RAB28: variants seen among roughly 807,000 people sequenced by gnomAD.
RAB28 encodes ras-related protein Rab-28.
RAB28 carries 24 observed loss-of-function variants against 31.7 expected under a neutral mutation model. The ratio of observed to expected loss-of-function variants is 0.76; its 90% CI spans 0.55 to 1.06. RAB28 has a LOEUF of 1.06. RAB28 is among the 50% of genes least tolerant of loss of function. The pLI, the probability that RAB28 is intolerant of heterozygous loss-of-function variation, is 0.00. For missense variants in RAB28, 254 were observed against 258.5 expected (o/e 0.98, Z 0.12); for synonymous variants, 100 against 90.4 (o/e 1.11, Z -0.60).
At chr4:13,434,723 T>G (rs1159624978) in intron 4 of RAB28, among the ~76,000 whole-genome samples, 2 of 151,864 alleles carry the variant, frequency 1.3e-5, no homozygotes, top group Non-Finnish European at 2.9e-5. Context: ...GGAATAAAAT[T>G]AGAAAACAAC....
intron 6 of RAB28, chr4:13,371,892 T>C (rs1197781454): frequency 6.7e-7 from 1 of 1,502,992 alleles, no homozygotes; most frequent in Non-Finnish European, 9.1e-7. Context: ...GTTATATGGG[T>C]GAATACAAGC....
intron 4 of RAB28, among the ~76,000 whole-genome samples, chr4:13,458,373 G>C (rs996779599): frequency 2.0e-5 from 3 of 150,652 alleles, no homozygotes; most frequent in Non-Finnish European, 4.4e-5. Flanking sequence ...ATCTTGGTTT[G>C]GTCTTTCAGG....
intron 3 of RAB28, among the ~76,000 whole-genome samples, chr4:13,462,906 C>T (rs1369379520): frequency 2.0e-5 from 3 of 152,222 alleles, no homozygotes; most frequent in Non-Finnish European, 4.4e-5. Context: ...CCACCTCCAA[C>T]TGCCATGGGT....
chr4:13,389,576 G>A (rs1024286164), intron 4 of RAB28, among the ~76,000 whole-genome samples: 1 of 151,984 alleles, frequency 6.6e-6, no homozygotes, highest in Admixed American at 6.6e-5. Context: ...AATGACTCTT[G>A]AAGTACTCAT....
intron 4 of RAB28, among the ~76,000 whole-genome samples, chr4:13,411,150 A>G (rs1317661143): frequency 1.3e-5 from 2 of 152,158 alleles, no homozygotes; most frequent in Non-Finnish European, 2.9e-5. Flanking sequence ...TTCATTTTCA[A>G]TATTAAATAC....
chr4:13,479,322 A>T (rs1303992659), intron 2 of RAB28, 108 bp downstream of exon 2: 1 of 711,646 alleles, frequency 1.4e-6, no homozygotes, highest in Non-Finnish European at 2.4e-6. Flanking sequence ...CTGTTTATAT[A>T]CATCTTCATG....
intron 4 of RAB28, among the ~76,000 whole-genome samples, chr4:13,421,865 C>G (rs1418397286): frequency 6.6e-6 from 1 of 152,032 alleles, no homozygotes; most frequent in African/African-American, 2.4e-5. Context: ...ACTAAAACAC[C>G]AAAAGCGATG....
intron 6 of RAB28, among the ~76,000 whole-genome samples, chr4:13,369,317 A>C (rs1023531970): frequency 6.6e-6 from 1 of 152,174 alleles, no homozygotes; most frequent in African/African-American, 2.4e-5. Flanking sequence ...TGTTTTTAAA[A>C]TAATTTAAAC....
rs556467941 is a variant in RAB28, at chr4:13,386,154, C to T, written c.392-4560G>A. Among the ~76,000 whole-genome samples, 4 of 152,012 alleles carry T rather than the reference C, an allele frequency of 2.6e-5. No individual in the cohort carries two copies. In the South Asian group the frequency reaches 8.3e-4, roughly 32 times the overall value. On this transcript the variant is annotated intron_variant, in intron 4 of 6. Transcript: ENST00000330852. ...AAGAATACACAAGGAACTCAAAAAACCCTGCAAGACAACCTAAGCAAAACC... is the reference window on the plus strand; with the variant it reads ...AAGAATACACAAGGAACTCAAAAAATCCTGCAAGACAACCTAAGCAAAACC...
intron 4 of RAB28, among the ~76,000 whole-genome samples, chr4:13,443,861 GACA>G (rs1714547516): frequency 6.6e-6 from 1 of 151,924 alleles, no homozygotes; most frequent in African/African-American, 2.4e-5. Flanking sequence ...CCCATCCCCT[GACA>G]ACAACTATTC....
intron 4 of RAB28, among the ~76,000 whole-genome samples, chr4:13,425,377 T>C (rs1321090914): frequency 6.6e-6 from 1 of 152,208 alleles, no homozygotes; most frequent in Admixed American, 6.5e-5. Context: ...AAACTAATAC[T>C]AAAATTAAAG....
chr4:13,420,526 G>A (rs1039258927), intron 4 of RAB28, among the ~76,000 whole-genome samples: 6 of 151,968 alleles, frequency 3.9e-5, no homozygotes, highest in African/African-American at 2.4e-5. Flanking sequence ...CTGGCAAACC[G>A]AATCCAGCAG....
intron 4 of RAB28, among the ~76,000 whole-genome samples, chr4:13,415,694 A>G (rs1412987966): frequency 6.6e-6 from 1 of 152,116 alleles, no homozygotes; most frequent in African/African-American, 2.4e-5. Flanking sequence ...GTGTGGCCCA[A>G]GCCTCCCCAA....
intron 4 of RAB28, chr4:13,460,012 C>T (rs990858602): frequency 1.8e-5 from 13 of 706,742 alleles, no homozygotes; most frequent in Non-Finnish European, 2.4e-5. Context: ...TAATAGACCA[C>T]GCATCAAAAC....
intron 4 of RAB28, among the ~76,000 whole-genome samples, chr4:13,449,845 G>A (rs1214647351): frequency 6.6e-6 from 1 of 151,758 alleles, no homozygotes; most frequent in Non-Finnish European, 1.5e-5. Context: ...TATAAATCAG[G>A]AAGAGGGCAG....
chr4:13,372,719 C>T (rs28515907), intron 6 of RAB28, among the ~76,000 whole-genome samples: 4,639 of 151,982 alleles, frequency 0.031, 107 homozygotes, highest in African/African-American at 0.062. Flanking sequence ...AAAAAATTAA[C>T]ATGTGGGTAA....
At chr4:13,451,809 A>C (rs1714981877) in intron 4 of RAB28, among the ~76,000 whole-genome samples, 1 of 151,878 alleles carries the variant, frequency 6.6e-6, no homozygotes, top group African/African-American at 2.4e-5. Context: ...TCGCATATGG[A>C]TATCCAATTT....
chr4:13,479,586 C>T (rs554720188), intron 1 of RAB28, 60 bp from the exon 2 acceptor site: 8 of 1,120,888 alleles, frequency 7.1e-6, no homozygotes, highest in Middle Eastern at 2.1e-4. Flanking sequence ...AATCATAAGA[C>T]CACTATAAAT....
chr4:13,452,013 T>C (rs2108952188), intron 4 of RAB28, among the ~76,000 whole-genome samples: 1 of 152,034 alleles, frequency 6.6e-6, no homozygotes, highest in Admixed American at 6.5e-5. Flanking sequence ...TTTTCAACTT[T>C]AGCAGTCAGA....
Sources: allele counts gnomAD v4.1 joint callset (sites outside exome capture counted in the v4.1 genomes callset), GRCh38; gene constraint gnomAD v4.1.1; transcripts MANE v1.5; gene names NCBI Gene and HGNC (gene_info 2026-07-23, HGNC 2026-07-21).